ASCC3: variants seen among roughly 807,000 people sequenced by gnomAD.
ASCC3 encodes the protein ASC-1 complex subunit P200.
ASCC3 carries 158 observed loss-of-function variants against 256.3 expected under a neutral mutation model. The ratio of observed to expected loss-of-function variants is 0.62; its 90% CI spans 0.54 to 0.70. ASCC3 has a LOEUF of 0.70. Among genes scored for constraint, ASCC3 ranks in the 30% least tolerant of loss-of-function variants. The pLI, the probability that ASCC3 is intolerant of heterozygous loss-of-function variation, is 0.00. For synonymous variants in ASCC3, 948 were observed against 883.4 expected (o/e 1.07, Z -1.30); for missense variants, 2,259 against 2,626.0 (o/e 0.86, Z 3.05).
intron 13 of ASCC3, among the ~76,000 whole-genome samples, chr6:100,708,912 A>G (rs1040292606): frequency 6.6e-5 from 10 of 152,124 alleles, no homozygotes; most frequent in Non-Finnish European, 1.5e-4. Flanking sequence ...CGTGTGCAAT[A>G]CATGTGTTAT....
chr6:100,644,070 A>G lies in ASCC3; in HGVS notation c.3693T>C (p.His1231=). The G allele has an allele frequency of 6.2e-7, 1 of 1,612,874 alleles. No individual in the cohort carries two copies. The highest frequency in any genetic ancestry group is 8.5e-7 in the Non-Finnish European group (1 of 1,179,312). The change falls in exon 23 of 42, where the codon CAT becomes CAC. Residue 1231 remains histidine (H), a synonymous_variant. Coordinates refer to ENST00000369162, the MANE Select transcript of ASCC3 (RefSeq NM_006828.4). The part of the protein sequence containing the change: ...WIWVEDPTND[H]IYHSEYFLAL... ...CTAGAAAATACTCTGAATGATAAAT[A>G]TGATCATTTGTAGGATCTTCTACCC...
chr6:100,587,813 G>A lies in ASCC3; in HGVS notation c.5550+1821C>T, dbSNP rs554991090. 2.0e-5 allele frequency among the ~76,000 whole-genome samples: 3 copies of A among 152,292 alleles called. No individual in the cohort carries two copies. In the South Asian group the frequency reaches 6.2e-4, roughly 32 times the overall value. On this transcript the variant is annotated intron_variant, in intron 36 of 41. Coordinates refer to ENST00000369162, the MANE Select transcript of ASCC3 (RefSeq NM_006828.4). The stretch of plus-strand genomic sequence containing the variant: ...GAAAGAAACATGCTGCTGACAGGAT[G>A]GGAACAGACCTTTTGTGATCAATAC...
chr6:100,567,408 C>A (rs892628939), intron 36 of ASCC3, among the ~76,000 whole-genome samples: 5 of 152,000 alleles, frequency 3.3e-5, no homozygotes, highest in Non-Finnish European at 7.4e-5. Flanking sequence ...CATAGATGTA[C>A]CTTAATTTTA....
At chr6:100,591,385 T>G (rs1370205041) in intron 34 of ASCC3, among the ~76,000 whole-genome samples, 1 of 152,062 alleles carries the variant, frequency 6.6e-6, no homozygotes, top group East Asian at 1.9e-4. Context: ...TAAAATATTT[T>G]TTCTCTTTCA....
intron 30 of ASCC3, among the ~76,000 whole-genome samples, chr6:100,610,863 T>TC (rs1230992660): frequency 1.3e-5 from 2 of 152,194 alleles, no homozygotes; most frequent in African/African-American, 4.8e-5. Flanking sequence ...CATTTTTTGT[T>TC]CAATAGTTCA....
intron 13 of ASCC3, among the ~76,000 whole-genome samples, chr6:100,701,664 C>T (rs9386233): frequency 0.43 from 64,943 of 151,918 alleles, 14,344 homozygotes; most frequent in Middle Eastern, 0.55. Context: ...AAGGGTGACA[C>T]TAATTTTAAA....
intron 10 of ASCC3, among the ~76,000 whole-genome samples, chr6:100,742,826 T>C (rs192017898): frequency 4.6e-5 from 7 of 152,284 alleles, no homozygotes; most frequent in Admixed American, 3.3e-4. Context: ...CCTGTTGCCA[T>C]TGGCTGGCTG....
chr6:100,716,164 T>G (rs189948798), intron 12 of ASCC3, among the ~76,000 whole-genome samples: 1 of 151,988 alleles, frequency 6.6e-6, no homozygotes, highest in African/African-American at 2.4e-5. Context: ...AATTTGATAT[T>G]CAGTCAAATA....
chr6:100,668,196 G>A (rs1293021207), intron 14 of ASCC3, among the ~76,000 whole-genome samples: 1 of 151,840 alleles, frequency 6.6e-6, no homozygotes, highest in Non-Finnish European at 1.5e-5. Flanking sequence ...TTACTACCTG[G>A]TCTTTAAGTA....
intron 38 of ASCC3, among the ~76,000 whole-genome samples, chr6:100,517,404 C>T (rs906090946): frequency 1.3e-5 from 2 of 152,110 alleles, no homozygotes; most frequent in Non-Finnish European, 2.9e-5. Flanking sequence ...GTGAAAGAAA[C>T]ATTTCCAATT....
intron 36 of ASCC3, among the ~76,000 whole-genome samples, chr6:100,573,338 AT>A (rs796693135): frequency 3.9e-5 from 6 of 152,228 alleles, no homozygotes; most frequent in African/African-American, 1.2e-4. Context: ...TGTAATCACC[AT>A]TATTCATGGA....
chr6:100,519,484 T>C (rs1395588595), intron 37 of ASCC3, among the ~76,000 whole-genome samples: 1 of 152,156 alleles, frequency 6.6e-6, no homozygotes, highest in Non-Finnish European at 1.5e-5. Context: ...TAATACACTT[T>C]GTCTGTCTTT....
chr6:100,764,017 T>C (rs1207567132), intron 10 of ASCC3, among the ~76,000 whole-genome samples: 1 of 152,232 alleles, frequency 6.6e-6, no homozygotes, highest in East Asian at 1.9e-4. Context: ...CCAGTAGGGT[T>C]CTTGTGAAGA....
At chr6:100,633,879 A>G (rs1774692203) in intron 25 of ASCC3, among the ~76,000 whole-genome samples, 1 of 150,052 alleles carries the variant, frequency 6.7e-6, no homozygotes, top group Non-Finnish European at 1.5e-5. Flanking sequence ...CTCCGTCTCA[A>G]AAAAAAAAAA....
intron 12 of ASCC3, among the ~76,000 whole-genome samples, chr6:100,716,386 G>A (rs918810759): frequency 6.6e-6 from 1 of 151,768 alleles, no homozygotes; most frequent in African/African-American, 2.4e-5. Context: ...AAAGGAGTAG[G>A]CATGTGACCC....
intron 10 of ASCC3, among the ~76,000 whole-genome samples, chr6:100,744,372 T>C (rs768397897): frequency 5.3e-5 from 8 of 152,146 alleles, no homozygotes; most frequent in Admixed American, 2.0e-4. Flanking sequence ...ACAATCAACA[T>C]AGTAACAACA....
intron 36 of ASCC3, among the ~76,000 whole-genome samples, chr6:100,579,540 T>A (rs115394896): frequency 0.016 from 2,450 of 152,176 alleles, 66 homozygotes; most frequent in African/African-American, 0.056. Context: ...GAAGGGGTCC[T>A]ATTTCAATCT....
chr6:100,630,002 A>G (rs973386044), intron 26 of ASCC3, among the ~76,000 whole-genome samples: 16 of 151,774 alleles, frequency 1.1e-4, no homozygotes, highest in Non-Finnish European at 1.8e-4. Context: ...GGTTCAGGTG[A>G]TTCTCCTGTC....
intron 36 of ASCC3, among the ~76,000 whole-genome samples, chr6:100,576,403 AT>A (rs950557769): frequency 1.3e-5 from 2 of 151,994 alleles, no homozygotes; most frequent in African/African-American, 4.8e-5. Flanking sequence ...CTGGTTCTTT[AT>A]TTTTTAAAAG....
Sources: gnomAD v4.1 joint callset for allele counts (sites outside exome capture counted in the v4.1 genomes callset) on GRCh38, gnomAD v4.1.1 for gene constraint, MANE v1.5 for transcripts, NCBI Gene and HGNC (gene_info 2026-07-23, HGNC 2026-07-21) for gene names.